Variants in NUBPL observed in about 807,000 individuals in gnomAD.
NUBPL encodes iron-sulfur cluster transfer protein NUBPL.
A neutral mutation model predicts 45.7 loss-of-function variants in NUBPL; 31 were observed. The ratio of observed to expected loss-of-function variants is 0.68; its 90% CI spans 0.51 to 0.92. NUBPL has a LOEUF of 0.92. NUBPL is among the 40% of genes least tolerant of loss of function. NUBPL has a pLI of 0.00. For synonymous variants in NUBPL, 144 were observed against 140.9 expected (o/e 1.02, Z -0.15); for missense variants, 401 against 398.7 (o/e 1.01, Z -0.05).
chr14:31,711,333 TTAGTC>T (rs1422561568), intron 6 of NUBPL, among the ~76,000 whole-genome samples: 2 of 152,096 alleles, frequency 1.3e-5, no homozygotes, highest in Admixed American at 6.5e-5. Flanking sequence ...ACCCGTGTCT[TTAGTC>T]TGGTTGCCGC....
At chr14:31,685,678 T>C (rs181812475) in intron 6 of NUBPL, among the ~76,000 whole-genome samples, 43 of 152,252 alleles carry the variant, frequency 2.8e-4, no homozygotes, top group African/African-American at 9.6e-4. Context: ...AAAGAAGTTC[T>C]TCCAAATTTG....
intron 4 of NUBPL, among the ~76,000 whole-genome samples, chr14:31,599,699 CAA>C (rs949967336): frequency 2.6e-5 from 4 of 151,894 alleles, no homozygotes; most frequent in African/African-American, 9.7e-5. Context: ...TTAATAAAAA[CAA>C]TATAATTATT....
intron 7 of NUBPL, among the ~76,000 whole-genome samples, chr14:31,823,107 ATATAT>A (rs150042068): frequency 0.011 from 1,625 of 152,182 alleles, 26 homozygotes; most frequent in African/African-American, 0.037. Flanking sequence ...ATTCAAGGTT[ATATAT>A]TATATTAAGA....
chr14:31,617,841 A>C (rs967079692), intron 4 of NUBPL, among the ~76,000 whole-genome samples: 4 of 152,212 alleles, frequency 2.6e-5, no homozygotes, highest in Non-Finnish European at 4.4e-5. Context: ...GAATAGTTTC[A>C]GAAGGAATGG....
At chr14:31,704,030 G>A (rs1343831192) in intron 6 of NUBPL, among the ~76,000 whole-genome samples, 1 of 152,176 alleles carries the variant, frequency 6.6e-6, no homozygotes, top group Non-Finnish European at 1.5e-5. Flanking sequence ...CTAACTACCT[G>A]TAACATTTCC....
At chr14:31,858,855 T>A (rs999276631) in intron 10 of NUBPL, among the ~76,000 whole-genome samples, 1 of 152,200 alleles carries the variant, frequency 6.6e-6, no homozygotes, top group Non-Finnish European at 1.5e-5. Flanking sequence ...GACACCAGAA[T>A]TAGAATTTGA....
intron 7 of NUBPL, among the ~76,000 whole-genome samples, chr14:31,812,197 G>A (rs563488192): frequency 1.3e-5 from 2 of 152,332 alleles, no homozygotes; most frequent in Admixed American, 6.5e-5. Flanking sequence ...GGACGTTTAA[G>A]TCTGCAGAAG....
At chr14:31,603,378 GT>G (rs2034500200) in intron 4 of NUBPL, among the ~76,000 whole-genome samples, 1 of 151,540 alleles carries the variant, frequency 6.6e-6, no homozygotes, top group Non-Finnish European at 1.5e-5. Context: ...TAAAAGAATG[GT>G]TTTATGGGAA....
chr14:31,679,929 G>T (rs1324634369), intron 6 of NUBPL, among the ~76,000 whole-genome samples: 1 of 151,956 alleles, frequency 6.6e-6, no homozygotes, highest in Non-Finnish European at 1.5e-5. Flanking sequence ...ATGTTTTATA[G>T]TTTTTAGCAT....
chr14:31,745,916 C>G (rs1308360447), intron 6 of NUBPL, among the ~76,000 whole-genome samples: 1 of 151,948 alleles, frequency 6.6e-6, no homozygotes, highest in East Asian at 1.9e-4. Context: ...TGTCTCACGA[C>G]CCAGCCTCAA....
chr14:31,793,828 C>CTTTTTTTTTTTTT (rs55698198), intron 7 of NUBPL, among the ~76,000 whole-genome samples: 14 of 127,584 alleles, frequency 1.1e-4, no homozygotes, highest in East Asian at 4.5e-4. Flanking sequence ...CCTTATCTTT[C>CTTTTTTTTTTTTT]TTTTTTTTTT....
chr14:31,847,443 C>T (rs2040471822), intron 9 of NUBPL, among the ~76,000 whole-genome samples: 1 of 152,146 alleles, frequency 6.6e-6, no homozygotes, highest in Non-Finnish European at 1.5e-5. Context: ...ACGCACTGTT[C>T]ATGGCACTGA....
At chr14:31,640,759 T>C (rs1428322155) in intron 4 of NUBPL, among the ~76,000 whole-genome samples, 1 of 152,196 alleles carries the variant, frequency 6.6e-6, no homozygotes, top group African/African-American at 2.4e-5. Context: ...GTACATGTGT[T>C]AATTTGATAC....
At chr14:31,752,073 C>T (rs550399057) in intron 6 of NUBPL, among the ~76,000 whole-genome samples, 3 of 152,332 alleles carry the variant, frequency 2.0e-5, no homozygotes, top group Admixed American at 2.0e-4. Flanking sequence ...CTTCCTAGGC[C>T]TCTGGCCTGT....
intron 4 of NUBPL, among the ~76,000 whole-genome samples, chr14:31,613,387 C>T (rs558223990): frequency 2.0e-5 from 3 of 151,760 alleles, no homozygotes; most frequent in Non-Finnish European, 4.4e-5. Context: ...TATTTGATAG[C>T]ACAGCAAGGT....
chr14:31,727,691 C>T (rs969460167), intron 6 of NUBPL, among the ~76,000 whole-genome samples: 8 of 152,162 alleles, frequency 5.3e-5, no homozygotes, highest in African/African-American at 9.7e-5. Flanking sequence ...TTAGTTTGTA[C>T]GTCTTGACTC....
intron 7 of NUBPL, among the ~76,000 whole-genome samples, chr14:31,820,391 A>G (rs2039997176): frequency 6.6e-6 from 1 of 152,188 alleles, no homozygotes; most frequent in Non-Finnish European, 1.5e-5. Flanking sequence ...ATATTGGCTC[A>G]TGTTTCTGGG....
intron 8 of NUBPL, among the ~76,000 whole-genome samples, chr14:31,840,639 A>G (rs893429685): frequency 6.6e-6 from 1 of 152,110 alleles, no homozygotes; most frequent in Non-Finnish European, 1.5e-5. Flanking sequence ...GGAGGACATT[A>G]TATGAAGTAG....
intron 6 of NUBPL, among the ~76,000 whole-genome samples, chr14:31,704,872 G>A (rs906949505): frequency 1.3e-5 from 2 of 151,990 alleles, no homozygotes; most frequent in Non-Finnish European, 2.9e-5. Context: ...ATGAAGCCGC[G>A]GACCCTTGTG....
Sources: gnomAD v4.1 joint callset for allele counts (sites outside exome capture counted in the v4.1 genomes callset) on GRCh38, gnomAD v4.1.1 for gene constraint, MANE v1.5 for transcripts, NCBI Gene and HGNC (gene_info 2026-07-23, HGNC 2026-07-21) for gene names.